The following RIMS2 variants were observed in gnomAD, a reference collection of about 807,000 sequenced individuals.
RIMS2 encodes the protein regulating synaptic membrane exocytosis protein 2.
Under a neutral mutation model 174.4 loss-of-function variants are expected in RIMS2, and 59 were observed. The ratio of observed to expected loss-of-function variants is 0.34; its 90% CI spans 0.27 to 0.42. The LOEUF (loss-of-function observed/expected upper bound fraction) is 0.42, where lower values mean the gene tolerates loss of function less well. RIMS2 is among the 10% of genes least tolerant of loss of function. The pLI, the probability that RIMS2 is intolerant of heterozygous loss-of-function variation, is 1.00. For missense variants in RIMS2, 1,620 were observed against 1,666.3 expected (o/e 0.97, Z 0.48); for synonymous variants, 606 against 572.5 (o/e 1.06, Z -0.84).
chr8:103,641,420 T>G (rs1472566242), intron 1 of RIMS2, among the ~76,000 whole-genome samples: 1 of 152,152 alleles, frequency 6.6e-6, no homozygotes, highest in Non-Finnish European at 1.5e-5. Context: ...ATACAATAGA[T>G]TATTGTAAAC....
At chr8:103,870,184 C>A (rs948989186) in intron 3 of RIMS2, among the ~76,000 whole-genome samples, 9 of 150,718 alleles carry the variant, frequency 6.0e-5, no homozygotes, top group Non-Finnish European at 1.0e-4. Flanking sequence ...TACTATTTAC[C>A]AGCTATGTGA....
chr8:103,993,293 T>A (rs1383078942), intron 17 of RIMS2, among the ~76,000 whole-genome samples: 1 of 152,220 alleles, frequency 6.6e-6, no homozygotes, highest in Non-Finnish European at 1.5e-5. Context: ...GAGTGTACTT[T>A]TAGCATCATA....
chr8:104,186,756 A>G (rs1045827612), intron 19 of RIMS2, among the ~76,000 whole-genome samples: 3 of 151,774 alleles, frequency 2.0e-5, no homozygotes, highest in Non-Finnish European at 2.9e-5. Flanking sequence ...CTCCTTACAT[A>G]GGCAGATTTT....
chr8:104,188,681 C>G (rs2098982252), intron 19 of RIMS2, among the ~76,000 whole-genome samples: 1 of 151,778 alleles, frequency 6.6e-6, no homozygotes, highest in Non-Finnish European at 1.5e-5. Context: ...AAAAATAGGA[C>G]ACAAACTTAT....
chr8:104,067,037 G>A (rs1047652774), intron 19 of RIMS2, among the ~76,000 whole-genome samples: 12 of 152,078 alleles, frequency 7.9e-5, no homozygotes, highest in African/African-American at 2.7e-4. Flanking sequence ...AAAAATATTG[G>A]CTCAGAAGGG....
chr8:103,898,928 G>A (rs1324126903), intron 4 of RIMS2, among the ~76,000 whole-genome samples: 8 of 149,618 alleles, frequency 5.3e-5, no homozygotes, highest in Admixed American at 5.3e-4. Flanking sequence ...CTGTCCAAGT[G>A]TTCTCATTCT....
intron 17 of RIMS2, among the ~76,000 whole-genome samples, chr8:104,005,081 T>C (rs536181148): frequency 6.6e-6 from 1 of 152,260 alleles, no homozygotes; most frequent in Admixed American, 6.5e-5. Flanking sequence ...AAGGTAAGGG[T>C]TATTGCAGTC....
chr8:103,954,400 G>A (rs55954122), intron 14 of RIMS2, among the ~76,000 whole-genome samples: 18,815 of 151,818 alleles, frequency 0.12, 1,373 homozygotes, highest in Non-Finnish European at 0.19. Flanking sequence ...ATAACAAACA[G>A]TCTCTCAGAC....
chr8:104,058,347 T>G (rs532936081), intron 19 of RIMS2, among the ~76,000 whole-genome samples: 10 of 147,954 alleles, frequency 6.8e-5, no homozygotes, highest in Admixed American at 5.4e-4. Flanking sequence ...TCATGTGTCT[T>G]TTGGCTGCAT....
intron 19 of RIMS2, among the ~76,000 whole-genome samples, chr8:104,233,241 A>G (rs1478023886): frequency 6.6e-6 from 1 of 152,072 alleles, no homozygotes; most frequent in Non-Finnish European, 1.5e-5. Context: ...AAAACCTCAA[A>G]ATCTTATCCG....
intron 3 of RIMS2, among the ~76,000 whole-genome samples, chr8:103,869,218 G>A (rs1401869804): frequency 1.3e-5 from 2 of 148,366 alleles, no homozygotes; most frequent in African/African-American, 2.5e-5. Flanking sequence ...TTTTTAAGAC[G>A]GAATTTCGCT....
intron 19 of RIMS2, among the ~76,000 whole-genome samples, chr8:104,169,250 G>T (rs1243834987): frequency 6.7e-6 from 1 of 148,736 alleles, no homozygotes; most frequent in Non-Finnish European, 1.5e-5. Context: ...GTCTTTGAAT[G>T]TCTGATAGAA....
intron 3 of RIMS2, among the ~76,000 whole-genome samples, chr8:103,778,303 A>G (rs936618148): frequency 6.6e-6 from 1 of 152,058 alleles, no homozygotes; most frequent in Non-Finnish European, 1.5e-5. Flanking sequence ...TGAAATGTAC[A>G]ATAGATTATT....
intron 3 of RIMS2, chr8:103,768,868 C>A: frequency 1.9e-6 from 1 of 538,126 alleles, no homozygotes. Flanking sequence ...TCTGGAGAAG[C>A]AGCATACTAA....
At chr8:103,950,861 T>C (rs1458466944) in intron 14 of RIMS2, among the ~76,000 whole-genome samples, 3 of 152,218 alleles carry the variant, frequency 2.0e-5, no homozygotes, top group Non-Finnish European at 4.4e-5. Flanking sequence ...TTCATTCATA[T>C]AGAAAGTCAA....
At chr8:103,735,915 C>G (rs2097679758) in intron 2 of RIMS2, among the ~76,000 whole-genome samples, 1 of 152,160 alleles carries the variant, frequency 6.6e-6, no homozygotes, top group South Asian at 2.1e-4. Flanking sequence ...TTTAAATACC[C>G]TGGCTTTGTG....
intron 10 of RIMS2, among the ~76,000 whole-genome samples, chr8:103,924,097 T>G (rs1688413970): frequency 1.3e-5 from 2 of 151,682 alleles, no homozygotes; most frequent in Non-Finnish European, 3.0e-5. Flanking sequence ...TGAATATAAA[T>G]CTGGAATATT....
rs369486429 is a variant in RIMS2 at position 103,711,047 on chromosome 8, A to C, written c.387+13751A>C. On this transcript the variant is annotated intron_variant, in intron 2 of 23. Coordinates refer to ENST00000504942, the Ensembl canonical transcript of RIMS2. ...GGGAGTAACTGGTGTGAATAACTTC[A>C]AGGGCAAAGATTTTAGTAGCATATT... Among the ~76,000 whole-genome samples, 45 of 152,340 alleles carry C rather than the reference A, an allele frequency of 3.0e-4. No individual in the cohort carries two copies. The East Asian group carries it at 3.9e-3, about 13-fold the overall frequency.
chr8:104,044,835 T>A (rs1016193569), intron 19 of RIMS2, among the ~76,000 whole-genome samples: 5 of 151,778 alleles, frequency 3.3e-5, no homozygotes, highest in Admixed American at 6.6e-5. Flanking sequence ...CAAACTCACA[T>A]AAGCCTAGAG....
Sources: allele counts gnomAD v4.1 joint callset (sites outside exome capture counted in the v4.1 genomes callset), GRCh38; gene constraint gnomAD v4.1.1; transcripts MANE v1.5; gene names NCBI Gene and HGNC (gene_info 2026-07-23, HGNC 2026-07-21).